Variants in KIAA1217 observed in about 807,000 individuals in gnomAD.
The protein encoded by KIAA1217 is sickle tail protein homolog.
Under a neutral mutation model 163.9 loss-of-function variants are expected in KIAA1217, and 88 were observed. The observed-to-expected ratio is 0.54, with a 90% CI of 0.45 to 0.64. The LOEUF is 0.64. Among genes scored for constraint, KIAA1217 ranks in the 30% least tolerant of loss-of-function variants. The pLI, the probability that KIAA1217 is intolerant of heterozygous loss-of-function variation, is 0.00. For missense variants in KIAA1217, 2,372 were observed against 2,475.0 expected (o/e 0.96, Z 0.88); for synonymous variants, 903 against 923.1 (o/e 0.98, Z 0.39).
At chr10:24,044,154 C>A (rs1848818794) in intron 2 of KIAA1217, among the ~76,000 whole-genome samples, 1 of 152,112 alleles carries the variant, frequency 6.6e-6, no homozygotes, top group Non-Finnish European at 1.5e-5. Flanking sequence ...ATTCTTTAAT[C>A]AGTATTTTTT....
chr10:24,242,293 T>G (rs1006871335), intron 2 of KIAA1217, among the ~76,000 whole-genome samples: 1 of 152,218 alleles, frequency 6.6e-6, no homozygotes, highest in African/African-American at 2.4e-5. Flanking sequence ...TTCCCATGTT[T>G]ACATCCATGT....
At chr10:24,229,225 T>C (rs970178722) in intron 2 of KIAA1217, among the ~76,000 whole-genome samples, 4 of 152,230 alleles carry the variant, frequency 2.6e-5, no homozygotes, top group Non-Finnish European at 5.9e-5. Flanking sequence ...CTATACACTG[T>C]TCAGTAAGTC....
rs58982993 is a variant in KIAA1217, at chr10:24,335,584, TTTTATTTA to T, written c.355-45250_355-45243del. 5.8e-5 allele frequency among the ~76,000 whole-genome samples: 8 copies of T among 138,424 alleles called. No homozygotes were observed. In the East Asian group the frequency reaches 1.5e-3, roughly 26 times the overall value. The allele number at this position is 138,424 out of a possible 152,430, so 90.8% of individuals were successfully genotyped here. A position where few individuals can be genotyped will look rare whatever the true frequency, so the allele number is the denominator to read the frequency against. On this transcript the variant is annotated intron_variant, in intron 2 of 20. Transcript: ENST00000376454. Reference sequence around the variant, plus strand: ...CTTTATTTTATTTAATTTTATCTTATTTTATTTATTTATTTATTTATTTATTTATTTAT... The same window carrying T: ...CTTTATTTTATTTAATTTTATCTTATTTTATTTATTTATTTATTTATTTAT...
chr10:24,057,080 CAA>C (rs530272653), intron 2 of KIAA1217, among the ~76,000 whole-genome samples: 1 of 144,372 alleles, frequency 6.9e-6, no homozygotes, highest in Non-Finnish European at 1.5e-5. Flanking sequence ...CCCATCTCTA[CAA>C]AAAAAAAAAT....
At chr10:24,068,873 G>T (rs1254131887) in intron 2 of KIAA1217, among the ~76,000 whole-genome samples, 3 of 152,188 alleles carry the variant, frequency 2.0e-5, no homozygotes, top group African/African-American at 7.2e-5. Context: ...CTAGGAGAAG[G>T]AGCTATGGGA....
intron 1 of KIAA1217, among the ~76,000 whole-genome samples, chr10:23,781,537 C>A (rs896068163): frequency 6.6e-6 from 1 of 152,136 alleles, no homozygotes; most frequent in African/African-American, 2.4e-5. Flanking sequence ...CTGTAGGCAA[C>A]GTTTTGAATT....
intron 2 of KIAA1217, among the ~76,000 whole-genome samples, chr10:24,145,884 C>T (rs1287475260): frequency 6.6e-6 from 1 of 152,210 alleles, no homozygotes; most frequent in African/African-American, 2.4e-5. Flanking sequence ...TTTATTCTAG[C>T]CATGCTGCCA....
At chr10:24,542,447 C>A (rs1171476658) in intron 17 of KIAA1217, 15 of 1,302,996 alleles carry the variant, frequency 1.2e-5, no homozygotes, top group Non-Finnish European at 1.3e-5. Context: ...CACTCCCCTA[C>A]AAAATTTTAA....
chr10:24,505,369 T>G (rs151078190), intron 9 of KIAA1217, among the ~76,000 whole-genome samples: 1 of 151,810 alleles, frequency 6.6e-6, no homozygotes, highest in Non-Finnish European at 1.5e-5. Context: ...GAAAGGGTTT[T>G]GTCAAGGTTT....
chr10:23,894,079 C>A (rs1208825480), intron 1 of KIAA1217, among the ~76,000 whole-genome samples: 1 of 143,134 alleles, frequency 7.0e-6, no homozygotes, highest in Non-Finnish European at 1.5e-5. Context: ...AAAACTGGCA[C>A]AAGACAGGGA....
chr10:23,783,565 A>G (rs796212059), intron 1 of KIAA1217, among the ~76,000 whole-genome samples: 1 of 152,150 alleles, frequency 6.6e-6, no homozygotes, highest in South Asian at 2.1e-4. Flanking sequence ...TTATCAGACA[A>G]TGCTGGCCTC....
chr10:24,275,703 G>C, intron 2 of KIAA1217: 1 of 523,810 alleles, frequency 1.9e-6, no homozygotes, highest in South Asian at 1.4e-5. Flanking sequence ...CTGTTGGTTT[G>C]GTGCAAAAGT....
At chr10:24,448,842 C>T (rs2061171867) in intron 5 of KIAA1217, among the ~76,000 whole-genome samples, 1 of 152,210 alleles carries the variant, frequency 6.6e-6, no homozygotes, top group African/African-American at 2.4e-5. Flanking sequence ...TTCCTCTGGT[C>T]TCAGCTCTCA....
At chr10:24,175,615 G>A (rs930767063) in intron 2 of KIAA1217, among the ~76,000 whole-genome samples, 5 of 152,120 alleles carry the variant, frequency 3.3e-5, no homozygotes, top group Admixed American at 6.6e-5. Flanking sequence ...CTGACTTCAA[G>A]AATGAAGCCA....
chr10:24,448,676 T>G (rs1411962808), intron 5 of KIAA1217, among the ~76,000 whole-genome samples: 1 of 152,262 alleles, frequency 6.6e-6, no homozygotes, highest in East Asian at 1.9e-4. Flanking sequence ...CATGAGCCAC[T>G]GTGCCTGGCC....
intron 2 of KIAA1217, among the ~76,000 whole-genome samples, chr10:24,068,366 C>A (rs2061052319): frequency 6.6e-6 from 1 of 152,130 alleles, no homozygotes; most frequent in South Asian, 2.1e-4. Flanking sequence ...TACTTAAATT[C>A]TCACTTTGTT....
chr10:24,467,095 G>A (rs779985720), intron 5 of KIAA1217, among the ~76,000 whole-genome samples: 1 of 151,362 alleles, frequency 6.6e-6, no homozygotes, highest in Admixed American at 6.6e-5. Flanking sequence ...CTTATCTTAC[G>A]TTCAAGAAAC....
intron 1 of KIAA1217, among the ~76,000 whole-genome samples, chr10:23,825,423 T>A (rs757586793): frequency 6.6e-6 from 1 of 152,252 alleles, no homozygotes; most frequent in Middle Eastern, 3.2e-3. Flanking sequence ...CTTGTTTGCA[T>A]GCTAATTAAT....
At chr10:24,348,862 G>A (rs1247201785) in intron 2 of KIAA1217, among the ~76,000 whole-genome samples, 1 of 152,156 alleles carries the variant, frequency 6.6e-6, no homozygotes, top group African/African-American at 2.4e-5. Context: ...AAAAACAGCT[G>A]GGGGCTGGGC....
Sources: gnomAD v4.1 joint callset for allele counts (sites outside exome capture counted in the v4.1 genomes callset) on GRCh38, gnomAD v4.1.1 for gene constraint, MANE v1.5 for transcripts, NCBI Gene and HGNC (gene_info 2026-07-23, HGNC 2026-07-21) for gene names.